The following ZNF492 variants were observed in gnomAD, a reference collection of about 807,000 sequenced individuals.
ZNF492 encodes the protein zinc finger protein 115 (Y20).
A neutral mutation model predicts 6.4 loss-of-function variants in ZNF492; 3 were observed. That is an observed-to-expected ratio of 0.47 (90% CI 0.21 to 1.22). The LOEUF (loss-of-function observed/expected upper bound fraction) is 1.22, where lower values mean the gene tolerates loss of function less well. Among genes scored for constraint, ZNF492 ranks in the 50% most tolerant of loss-of-function variants. ZNF492 has a pLI of 0.22. For missense variants in ZNF492, 356 were observed against 612.5 expected (o/e 0.58, Z 4.42); for synonymous variants, 112 against 205.3 (o/e 0.55, Z 3.89).
intron 3 of ZNF492, among the ~76,000 whole-genome samples, chr19:22,656,526 C>CT (rs1971998142): frequency 6.6e-6 from 1 of 152,044 alleles, no homozygotes; most frequent in Non-Finnish European, 1.5e-5. Context: ...GGTGATAAAA[C>CT]TGAGTCATGG....
Position 22,665,097 on chromosome 19 carries a change from C to G in ZNF492, c.1428C>G (p.Pro476=), listed in dbSNP as rs780843322. ...AGATGATTCATACTGGAGAGAAACCCTACAAGTGTGAAGAATGTGGCAAAG... is the reference window on the plus strand; with the variant it reads ...AGATGATTCATACTGGAGAGAAACCGTACAAGTGTGAAGAATGTGGCAAAG... ...THKMIHTGEK[P]YKCEECGKAF... Residue 476 remains proline (P), a synonymous_variant, in exon 4 of 4, where the codon CCC becomes CCG. Coordinates refer to ENST00000456783, the MANE Select transcript of ZNF492 (RefSeq NM_020855.3). 3.1e-6 allele frequency: 5 copies of G among 1,608,466 alleles called. No homozygotes were observed. Among genetic ancestry groups the G allele is most frequent in the Non-Finnish European group, 3.4e-6 (4 of 1,179,556 alleles).
chr19:22,664,015 G>A lies in ZNF492; in HGVS notation c.346G>A (p.Asp116Asn), dbSNP rs571922908. 1 of 1,609,222 alleles carries A rather than the reference G, an allele frequency of 6.2e-7. No homozygotes were observed. The highest frequency in any genetic ancestry group is 2.2e-5 in the East Asian group (1 of 44,768). Residue 116 changes from aspartate (D) to asparagine (N), a missense_variant, in exon 4 of 4, where the codon GAC (aspartate) becomes AAC (asparagine). By Grantham distance (23) the Asp-to-Asn change is conservative (BLOSUM62 1). Around this residue, in one of 7 missense-constraint regions of ZNF492, gnomAD observed 196 missense variants for 219.4 expected, o/e 0.89. Coordinates refer to ENST00000456783, the MANE Select transcript of ZNF492 (RefSeq NM_020855.3). ...TACCCAGAACAAAATATTTCAATGT[G>A]ACAAATATGTGAAAGTCTTTCATAA... ...TTTQNKIFQC[D>N]KYVKVFHKFS... is the part of the protein sequence containing the mutation.
At chr19:22,645,946 A>G (rs1971872943) in intron 1 of ZNF492, among the ~76,000 whole-genome samples, 1 of 152,190 alleles carries the variant, frequency 6.6e-6, no homozygotes, top group Admixed American at 6.5e-5. Context: ...GCTTGAAGTC[A>G]GGTAGTGTGA....
chr19:22,636,546 T>TG (rs1971767032), intron 1 of ZNF492, among the ~76,000 whole-genome samples: 6 of 103,354 alleles, frequency 5.8e-5, no homozygotes, highest in Non-Finnish European at 9.8e-5. Context: ...GTGTGTGTGT[T>TG]TGTGTGTGTG....
At chr19:22,643,542 A>G (rs1971849979) in intron 1 of ZNF492, among the ~76,000 whole-genome samples, 1 of 152,136 alleles carries the variant, frequency 6.6e-6, no homozygotes. Flanking sequence ...TATTTAAAAC[A>G]CCCATTCATG....
Position 22,666,490 on chromosome 19 carries a change from T to G in ZNF492, c.*1225T>G, listed in dbSNP as rs1362646346. Reference sequence around the variant, plus strand: ...ACAGGTGTTAGCCACTGCGCCTGCCTGATGTTGTTTCTTTATTCCTATTGT... The same window carrying G: ...ACAGGTGTTAGCCACTGCGCCTGCCGGATGTTGTTTCTTTATTCCTATTGT... On this transcript the variant is annotated 3_prime_UTR_variant, in exon 4 of 4. Transcript: ENST00000456783. 1 of 152,100 alleles carries G rather than the reference T, an allele frequency of 6.6e-6. No homozygotes were observed. Among genetic ancestry groups the G allele is most frequent in the Admixed American group, 6.6e-5 (1 of 15,250 alleles). 9.4% of individuals were successfully genotyped at this position (152,100 alleles called of 1,614,324 possible). A position where few individuals can be genotyped will look rare whatever the true frequency, so the allele number is the denominator to read the frequency against.
intron 3 of ZNF492, among the ~76,000 whole-genome samples, chr19:22,662,926 C>T (rs994100650): frequency 6.6e-6 from 1 of 152,122 alleles, no homozygotes; most frequent in African/African-American, 2.4e-5. Context: ...CGTGCAGAAG[C>T]TCTTTAGTTT....
intron 1 of ZNF492, among the ~76,000 whole-genome samples, chr19:22,642,383 T>C (rs1599395170): frequency 1.5e-5 from 2 of 134,566 alleles, no homozygotes; most frequent in Non-Finnish European, 3.1e-5. Context: ...AAACCTTTTG[T>C]CTTTTTTTTT....
intron 1 of ZNF492, among the ~76,000 whole-genome samples, chr19:22,647,735 T>TTTTTTTGTTTTG (rs1349527267): frequency 1.6e-4 from 23 of 139,544 alleles, no homozygotes; most frequent in African/African-American, 6.6e-4. Context: ...TAGTTTTTTT[T>TTTTTTTGTTTTG]TTTTTTTTTT....
chr19:22,652,736 C>T (rs74753276), intron 1 of ZNF492, among the ~76,000 whole-genome samples: 29,046 of 151,766 alleles, frequency 0.19, 3,680 homozygotes, highest in African/African-American at 0.36. Context: ...CTCGCCTCCA[C>T]GCCCGGCTAA....
rs1971968595 is a variant in ZNF492 at position 22,654,032 on chromosome 19, G to A, written c.130+17G>A. The A allele has an allele frequency of 1.9e-6, 3 of 1,582,496 alleles. No homozygotes were observed. Among genetic ancestry groups the A allele is most frequent in the Admixed American group, 1.9e-5 (1 of 53,044 alleles). Reference sequence around the variant, plus strand: ...AACCCCCAGGTAGGTGAGAGTGAAAGTGAATACAACAGATGACACAGATGA... The same window carrying A: ...AACCCCCAGGTAGGTGAGAGTGAAAATGAATACAACAGATGACACAGATGA... On this transcript the variant is annotated intron_variant, in intron 3 of 3. Coordinates refer to ENST00000456783, the MANE Select transcript of ZNF492 (RefSeq NM_020855.3).
At chr19:22,661,427 G>T (rs1347079356) in intron 3 of ZNF492, among the ~76,000 whole-genome samples, 1 of 151,776 alleles carries the variant, frequency 6.6e-6, no homozygotes, top group Non-Finnish European at 1.5e-5. Flanking sequence ...ATGAGATTTG[G>T]ACATCAAAAA....
Position 22,664,776 on chromosome 19 carries a change from A to C in ZNF492, c.1107A>C (p.Val369=). The C allele has an allele frequency of 6.2e-7, 1 of 1,602,022 alleles. No individual in the cohort carries two copies. The highest frequency in any genetic ancestry group is 1.1e-5 in the South Asian group (1 of 90,416). The change falls in exon 4 of 4, where the codon GTA becomes GTC. Residue 369 remains valine, a synonymous_variant. Transcript: ENST00000456783. ...HAGEKFYKCE[V]CSKAFSRFSH... ...GAGAGAAATTCTACAAATGTGAAGT[A>C]TGTAGCAAAGCCTTTAGCCGGTTCT...
intron 1 of ZNF492, among the ~76,000 whole-genome samples, chr19:22,652,115 A>AT (rs141101385): frequency 0.11 from 16,865 of 150,872 alleles, 2,117 homozygotes; most frequent in African/African-American, 0.31. Context: ...TCTGTGACAG[A>AT]TTTTTTTCTA....
Position 22,642,502 on chromosome 19 carries a change from G to A in ZNF492, c.-94+8028G>A, listed in dbSNP as rs142636301. ...CCTCCCGGGTTCACGCCATTCTGCT[G>A]CCTCAGCCTCCTGCGTAGCTGGGAC... On this transcript the variant is annotated intron_variant, in intron 1 of 3. Coordinates refer to ENST00000456783, the MANE Select transcript of ZNF492 (RefSeq NM_020855.3). Among the ~76,000 whole-genome samples, 735 of 133,486 alleles carry A rather than the reference G, an allele frequency of 5.5e-3. 67 individuals carry two copies. Among genetic ancestry groups the A allele is most frequent in the Non-Finnish European group, 8.1e-3 (530 of 65,482 alleles). The allele number at this position is 133,486 out of a possible 152,430, so 87.6% of individuals were successfully genotyped here.
intron 1 of ZNF492, among the ~76,000 whole-genome samples, chr19:22,636,641 AT>A (rs955400131): frequency 3.4e-4 from 48 of 142,998 alleles, no homozygotes; most frequent in African/African-American, 9.0e-4. Context: ...TTATTTTATT[AT>A]TTTTTTTTTG....
At chr19:22,637,367 T>G (rs1053159104) in intron 1 of ZNF492, among the ~76,000 whole-genome samples, 1 of 152,028 alleles carries the variant, frequency 6.6e-6, no homozygotes, top group African/African-American at 2.4e-5. Flanking sequence ...CTCAGCTTAC[T>G]GCAGCCTTAA....
At chr19:22,641,987 G>A (rs1971829979) in intron 1 of ZNF492, among the ~76,000 whole-genome samples, 1 of 151,978 alleles carries the variant, frequency 6.6e-6, no homozygotes, top group African/African-American at 2.4e-5. Flanking sequence ...TACAGACGGG[G>A]TTTCACCATG....
chr19:22,657,580 A>G (rs2915938), intron 3 of ZNF492, among the ~76,000 whole-genome samples: 1 of 151,972 alleles, frequency 6.6e-6, no homozygotes, highest in African/African-American at 2.4e-5. Context: ...GTAAAATATT[A>G]CAGTTATCTA....
Sources: allele counts gnomAD v4.1 joint callset (sites outside exome capture counted in the v4.1 genomes callset), GRCh38; gene constraint gnomAD v4.1.1; regional missense constraint gnomAD v4.1.1; transcripts MANE v1.5; gene names NCBI Gene and HGNC (gene_info 2026-07-23, HGNC 2026-07-21).